The following SLC4A5 variants were observed in gnomAD, a reference collection of about 807,000 sequenced individuals.
SLC4A5 encodes electrogenic sodium bicarbonate cotransporter 4.
In SLC4A5, 96 loss-of-function variants were observed where a neutral mutation model predicts 120.4. That is an observed-to-expected ratio of 0.80 (90% CI 0.68 to 0.94). The LOEUF is 0.94. Among genes scored for constraint, SLC4A5 ranks in the 40% least tolerant of loss-of-function variants. The probability of loss-of-function intolerance (pLI) is 0.00; values close to 1 mark genes in which losing one functional copy is unlikely to be tolerated. For synonymous variants in SLC4A5, 550 were observed against 571.1 expected (o/e 0.96, Z 0.53); for missense variants, 1,259 against 1,459.5 (o/e 0.86, Z 2.24).
Position 74,232,625 on chromosome 2 carries a change from TCCAGATGGTAG to T in SLC4A5, c.2607_2617del (p.Tyr870ProfsTer181). 2 of 1,611,488 alleles carry T rather than the reference TCCAGATGGTAG, an allele frequency of 1.2e-6. No individual in the cohort carries two copies. The highest frequency in any genetic ancestry group is 1.7e-6 in the Non-Finnish European group (2 of 1,178,934). ...CATGAGGATGCCCACCCAGAACAGG[TCCAGATGGTAG>T]CCGGCAGCCTTCTGCAGGAGCGGGG... On this transcript the variant is annotated frameshift_variant, in exon 24 of 31. Transcript: ENST00000394019. LOFTEE classifies it high-confidence loss of function.
chr2:74,224,760 G>A (rs1401650403), intron 28 of SLC4A5, 80 bp downstream of exon 28: 22 of 1,543,164 alleles, frequency 1.4e-5, no homozygotes, highest in South Asian at 6.4e-5. Flanking sequence ...CCAAGAAGCC[G>A]CCCTCTCCCT....
intron 7 of SLC4A5, among the ~76,000 whole-genome samples, chr2:74,289,607 G>A (rs1672095406): frequency 6.6e-6 from 1 of 152,176 alleles, no homozygotes; most frequent in South Asian, 2.1e-4. Context: ...ATGAGCCACT[G>A]GACCCAGCCT....
intron 17 of SLC4A5, among the ~76,000 whole-genome samples, chr2:74,249,635 T>A (rs1308696676): frequency 6.6e-6 from 1 of 151,874 alleles, no homozygotes; most frequent in Non-Finnish European, 1.5e-5. Flanking sequence ...TGAACCACGG[T>A]ATCACCTGCT....
exon 12 of SLC4A5, chr2:74,259,613 A>G (rs1176116091): frequency 5.6e-6 from 9 of 1,614,160 alleles, no homozygotes; most frequent in Non-Finnish European, 7.6e-6. Flanking sequence ...GGTGAGAGAA[A>G]TGTCATTCAT....
chr2:74,316,156 T>C (rs1292358734), intron 5 of SLC4A5, among the ~76,000 whole-genome samples: 1 of 151,846 alleles, frequency 6.6e-6, no homozygotes, highest in Non-Finnish European at 1.5e-5. Flanking sequence ...ACAAGGCTAA[T>C]ACATGGATAC....
At chr2:74,293,866 G>A (rs1322783341) in intron 7 of SLC4A5, among the ~76,000 whole-genome samples, 1 of 152,104 alleles carries the variant, frequency 6.6e-6, no homozygotes, top group South Asian at 2.1e-4. Flanking sequence ...GTACCTTCTT[G>A]AAAACCATAA....
At chr2:74,226,891 C>A in intron 27 of SLC4A5, 66 bp downstream of exon 27, 1 of 1,547,448 alleles carries the variant, frequency 6.5e-7, no homozygotes, top group Admixed American at 1.8e-5. Flanking sequence ...GGGGAGGTTG[C>A]GCTGCACCTC....
chr2:74,341,067 G>C (rs1673612594), intron 2 of SLC4A5, among the ~76,000 whole-genome samples: 1 of 152,188 alleles, frequency 6.6e-6, no homozygotes, highest in Non-Finnish European at 1.5e-5. Context: ...CACTTTGGGA[G>C]GCCGAGGTGG....
chr2:74,300,126 G>C (rs541466867), intron 7 of SLC4A5, among the ~76,000 whole-genome samples: 1 of 152,200 alleles, frequency 6.6e-6, no homozygotes, highest in African/African-American at 2.4e-5. Context: ...CAGAACTATT[G>C]CATGTTCTCA....
chr2:74,269,142 G>A (rs1237704544), intron 8 of SLC4A5, among the ~76,000 whole-genome samples: 1 of 152,176 alleles, frequency 6.6e-6, no homozygotes, highest in Non-Finnish European at 1.5e-5. Context: ...GATATCGAAA[G>A]TAAGATGTTT....
At chr2:74,328,052 T>C (rs1184352409) in intron 5 of SLC4A5, 68 bp downstream of exon 5, 2 of 821,802 alleles carry the variant, frequency 2.4e-6, no homozygotes, top group Non-Finnish European at 2.9e-6. Flanking sequence ...GTTCATGCTA[T>C]GAAACACATT....
chr2:74,232,917 A>G (rs1216298492), intron 23 of SLC4A5, among the ~76,000 whole-genome samples: 1 of 152,170 alleles, frequency 6.6e-6, no homozygotes, highest in East Asian at 1.9e-4. Context: ...AAGGGCCCAG[A>G]AGGTGGCCAC....
chr2:74,328,947 T>C (rs1341868863), intron 4 of SLC4A5, among the ~76,000 whole-genome samples: 1 of 152,132 alleles, frequency 6.6e-6, no homozygotes, highest in Non-Finnish European at 1.5e-5. Context: ...TTCGGAGAGA[T>C]CAGGTGACAC....
rs771281541 is a variant in SLC4A5, at chr2:74,253,133, C to T, written c.1114-5G>A. 4.5e-5 allele frequency: 73 copies of T among 1,613,652 alleles called. No homozygotes were observed. The highest frequency in any genetic ancestry group is 1.6e-4 in the Middle Eastern group (1 of 6,074). ...GTAGGCCACGTCACTGAAGAGCTGG[C>T]GAGGAGAGAGGAGGGAGAAAAGAAA... is the stretch of plus-strand genomic sequence containing the variant. On this transcript the variant is annotated splice_region_variant and splice_polypyrimidine_tract_variant and intron_variant, in intron 14 of 30. Coordinates refer to ENST00000394019, the Ensembl canonical transcript of SLC4A5.
intron 14 of SLC4A5, 118 bp downstream of exon 14, chr2:74,254,501 G>T: frequency 1.3e-6 from 1 of 762,274 alleles, no homozygotes. Flanking sequence ...ATCCTATGTA[G>T]TGCCTGGTAC....
intron 19 of SLC4A5, among the ~76,000 whole-genome samples, chr2:74,245,057 A>G (rs748199991): frequency 9.9e-5 from 15 of 152,128 alleles, no homozygotes; most frequent in Non-Finnish European, 5.9e-5. Flanking sequence ...ACGGTGGCTC[A>G]CCCCTGAGTT....
chr2:74,338,195 G>C (rs575499303), intron 3 of SLC4A5, among the ~76,000 whole-genome samples: 4 of 152,178 alleles, frequency 2.6e-5, no homozygotes, highest in Admixed American at 2.0e-4. Flanking sequence ...GCATAGGAGG[G>C]AGAAATGGAG....
chr2:74,299,827 A>G (rs1178476526), intron 7 of SLC4A5, among the ~76,000 whole-genome samples: 1 of 152,170 alleles, frequency 6.6e-6, no homozygotes, highest in Non-Finnish European at 1.5e-5. Flanking sequence ...TCAAAACATA[A>G]AAGTAGAACT....
chr2:74,338,059 A>G (rs2098128), intron 3 of SLC4A5, among the ~76,000 whole-genome samples: 53,780 of 152,148 alleles, frequency 0.35, 15,781 homozygotes, highest in East Asian at 0.83. Context: ...CAGGTGGGGC[A>G]TCAAGAGAGG....
Sources: allele counts gnomAD v4.1 joint callset (sites outside exome capture counted in the v4.1 genomes callset), GRCh38; gene constraint gnomAD v4.1.1; transcripts MANE v1.5; gene names NCBI Gene and HGNC (gene_info 2026-07-23, HGNC 2026-07-21).